EVA1A: variants seen among roughly 807,000 people sequenced by gnomAD.
The protein encoded by EVA1A is protein eva-1 homolog A.
EVA1A carries 7 observed loss-of-function variants against 9.8 expected under a neutral mutation model. That is an observed-to-expected ratio of 0.71 (90% CI 0.41 to 1.34). EVA1A has a LOEUF of 1.34. Ranked by LOEUF, EVA1A falls within the 40% of genes most tolerant of loss-of-function variation. The pLI is 0.01. For synonymous variants in EVA1A, 90 were observed against 85.6 expected, an observed-to-expected ratio of 1.05 and a Z score of -0.28; for missense variants, 206 against 205.9, an observed-to-expected ratio of 1.00 and a Z score of 0.00.
chr2:75,560,241 C>T (rs1283576412), intron 1 of EVA1A, among the ~76,000 whole-genome samples: 4 of 152,154 alleles, frequency 2.6e-5, no homozygotes, highest in Non-Finnish European at 5.9e-5. Flanking sequence ...CCGAAACAAA[C>T]CAGGTAAATA....
At chr2:75,525,996 C>T (rs1675424660) in intron 1 of EVA1A, 1 of 152,206 alleles carries the variant, frequency 6.6e-6, no homozygotes, top group East Asian at 1.9e-4. Flanking sequence ...GCAGAGCTTG[C>T]TTGTCTTAAA....
chr2:75,505,331 A>G (rs1674577756), intron 3 of EVA1A, among the ~76,000 whole-genome samples: 1 of 152,210 alleles, frequency 6.6e-6, no homozygotes, highest in Non-Finnish European at 1.5e-5. Context: ...CCCACGTGAC[A>G]GTGAGGAATC....
intron 3 of EVA1A, among the ~76,000 whole-genome samples, chr2:75,511,206 A>C (rs1264934712): frequency 6.6e-6 from 1 of 152,164 alleles, no homozygotes; most frequent in Non-Finnish European, 1.5e-5. Context: ...AAATTGGTAA[A>C]ATTATTTAAA....
chr2:75,512,237 T>G (rs10197897), intron 3 of EVA1A, among the ~76,000 whole-genome samples: 69,819 of 152,044 alleles, frequency 0.46, 17,841 homozygotes, highest in African/African-American at 0.7. Context: ...TTATTAATGA[T>G]ATTATCTTCA....
At chr2:75,525,234 C>T (rs944589978) in intron 1 of EVA1A, among the ~76,000 whole-genome samples, 5 of 152,108 alleles carry the variant, frequency 3.3e-5, no homozygotes, top group Non-Finnish European at 5.9e-5. Context: ...TGATCTACTG[C>T]CCTTATCTCC....
rs1340303852 is a variant in EVA1A at position 75,493,373 on chromosome 2, T to C, written c.322A>G (p.Asn108Asp). 3.1e-6 allele frequency: 5 copies of C among 1,614,244 alleles called. No homozygotes were observed. Among genetic ancestry groups the C allele is most frequent in the Non-Finnish European group, 4.2e-6 (5 of 1,180,050 alleles). Residue 108 changes from asparagine (N) to aspartate (D), a missense_variant, in exon 4 of 4, where the codon AAC becomes GAC. Asn to Asp is a conservative substitution (Grantham distance 23). Transcript: ENST00000393913. ...TCCGCAGAGGTGAACACATTCTTGT[T>C]CAAAGTCCTCTCGAAGCGGCGGTGT... ...RRHRRFERTL[N>D]KNVFTSAEEL... is the part of the protein sequence containing the mutation.
At chr2:75,550,787 C>T (rs1676492649) in intron 1 of EVA1A, among the ~76,000 whole-genome samples, 2 of 152,166 alleles carry the variant, frequency 1.3e-5, no homozygotes, top group East Asian at 3.8e-4. Context: ...AACATGGAGA[C>T]ACCTCTCCCA....
intron 1 of EVA1A, among the ~76,000 whole-genome samples, chr2:75,543,501 CAGG>C (rs1240902168): frequency 6.6e-6 from 1 of 151,744 alleles, no homozygotes; most frequent in Non-Finnish European, 1.5e-5. Flanking sequence ...AGGAAGTCAG[CAGG>C]AGGTGAGTGG....
intron 3 of EVA1A, among the ~76,000 whole-genome samples, chr2:75,508,376 G>C (rs966967135): frequency 1.3e-5 from 2 of 152,172 alleles, no homozygotes; most frequent in South Asian, 4.1e-4. Flanking sequence ...CCCTGGGAAA[G>C]AGAATACATG....
intron 1 of EVA1A, among the ~76,000 whole-genome samples, chr2:75,536,803 G>A (rs1478941322): frequency 6.6e-6 from 1 of 151,624 alleles, no homozygotes; most frequent in Admixed American, 6.6e-5. Flanking sequence ...AATTGAATTC[G>A]TAATTTTAAC....
chr2:75,504,575 T>G (rs922584349), intron 3 of EVA1A, among the ~76,000 whole-genome samples: 1 of 152,200 alleles, frequency 6.6e-6, no homozygotes, highest in Admixed American at 6.5e-5. Context: ...GAAGGAGTAT[T>G]GAGAAATCTC....
intron 3 of EVA1A, among the ~76,000 whole-genome samples, chr2:75,508,277 G>A (rs965184061): frequency 6.6e-6 from 1 of 152,198 alleles, no homozygotes; most frequent in Non-Finnish European, 1.5e-5. Context: ...CTGACTGCCG[G>A]TGAGCCGGGC....
chr2:75,495,782 A>T (rs539177004), intron 3 of EVA1A, among the ~76,000 whole-genome samples: 8 of 152,332 alleles, frequency 5.3e-5, no homozygotes, highest in African/African-American at 1.2e-4. Context: ...AAAGAAAATT[A>T]AAAAATATTG....
intron 1 of EVA1A, chr2:75,542,259 T>C (rs1247472546): frequency 6.6e-6 from 1 of 152,510 alleles, no homozygotes; most frequent in Non-Finnish European, 1.5e-5. Flanking sequence ...CTCTAGTATG[T>C]CTTTATCAAC....
At chr2:75,554,000 T>TA (rs1676615230) in intron 1 of EVA1A, among the ~76,000 whole-genome samples, 1 of 152,196 alleles carries the variant, frequency 6.6e-6, no homozygotes. Context: ...CTTCTTCCAG[T>TA]AACAGGCCCT....
chr2:75,551,085 A>G (rs10173804), intron 1 of EVA1A, among the ~76,000 whole-genome samples: 133,313 of 152,154 alleles, frequency 0.88, 58,678 homozygotes, highest in African/African-American at 0.96. Flanking sequence ...ATCGCACCAC[A>G]CATTCCAGCC....
rs148592220 is a variant in EVA1A, at chr2:75,557,180, A to C, written c.-192+3500T>G. On this transcript the variant is annotated intron_variant, in intron 1 of 3. Transcript: ENST00000393913. ...CTGTGGAGGAAGCCAGAGTACACAA[A>C]TGTGCAGGTATTTGTGTAAGGCAGT... Among the ~76,000 whole-genome samples, 1,057 of 152,296 alleles carry C rather than the reference A, an allele frequency of 6.9e-3. 12 individuals are homozygous for C. The highest frequency in any genetic ancestry group is 0.022 in the African/African-American group (917 of 41,562).
chr2:75,544,417 A>G (rs1676252302), intron 1 of EVA1A, among the ~76,000 whole-genome samples: 1 of 152,216 alleles, frequency 6.6e-6, no homozygotes, highest in African/African-American at 2.4e-5. Flanking sequence ...TATTAGCATT[A>G]CTAGTAGCAT....
chr2:75,560,294 G>T (rs1209979806), intron 1 of EVA1A, among the ~76,000 whole-genome samples: 2 of 152,168 alleles, frequency 1.3e-5, no homozygotes, highest in Non-Finnish European at 2.9e-5. Context: ...TCCGCCCCGC[G>T]CAGGCTTGGG....
Sources: allele counts gnomAD v4.1 joint callset (sites outside exome capture counted in the v4.1 genomes callset), GRCh38; gene constraint gnomAD v4.1.1; transcripts MANE v1.5; gene names NCBI Gene and HGNC (gene_info 2026-07-23, HGNC 2026-07-21).